DMPK: variants seen among roughly 807,000 people sequenced by gnomAD.
DMPK encodes the protein DM1 protein kinase.
In DMPK, 32 loss-of-function variants were observed where a neutral mutation model predicts 70.3. The ratio of observed to expected loss-of-function variants is 0.46; its 90% CI spans 0.34 to 0.61. The LOEUF (loss-of-function observed/expected upper bound fraction) is 0.61, where lower values mean the gene tolerates loss of function less well. DMPK is among the 20% of genes least tolerant of loss of function. The pLI is 0.01. For missense variants in DMPK, 899 were observed against 886.0 expected, an observed-to-expected ratio of 1.01 and a Z score of -0.19; for synonymous variants, 469 against 390.9, an observed-to-expected ratio of 1.20 and a Z score of -2.36.
At chr19:45,781,434 T>C (rs1600452802) in intron 1 of DMPK, among the ~76,000 whole-genome samples, 1 of 151,546 alleles carries the variant, frequency 6.6e-6, no homozygotes, top group Non-Finnish European at 1.5e-5. Flanking sequence ...AGCTGGAAGG[T>C]TGGAGGCCCT....
intron 1 of DMPK, among the ~76,000 whole-genome samples, chr19:45,781,197 T>C (rs920191543): frequency 1.4e-4 from 21 of 151,962 alleles, no homozygotes; most frequent in African/African-American, 5.1e-4. Context: ...TCACACACAG[T>C]TTGTTACACA....
chr19:45,770,623 T>C lies in DMPK; in HGVS notation c.1755A>G (p.Leu585=), dbSNP rs1568571320. 1.3e-6 allele frequency: 2 copies of C among 1,552,510 alleles called. No homozygotes were observed. Among genetic ancestry groups the C allele is most frequent in the African/African-American group, 1.4e-5 (1 of 73,224 alleles). Reference sequence around the variant, plus strand: ...ACAGGAGCAGGGAAAGCGCCTCCGATAGGCCAGGCCTAGGGACCTGCGGGG... The same window carrying C: ...ACAGGAGCAGGGAAAGCGCCTCCGACAGGCCAGGCCTAGGGACCTGCGGGG... ...LLPARVPRPG[L]SEALSLLLFA... is the part of the protein sequence containing the mutation. Residue 585 remains leucine, a synonymous_variant, in exon 15 of 15, where the codon CTA becomes CTG. Coordinates refer to ENST00000291270, the MANE Select transcript of DMPK (RefSeq NM_004409.5).
Position 45,777,594 on chromosome 19 carries a change from C to G in DMPK, c.883-4G>C. ...CCAGCGGCAGAGAGAGGTGCTCCTG[C>G]TCAGAGGGAGAGGAGGCGATAGCCT... On this transcript the variant is annotated splice_region_variant and splice_polypyrimidine_tract_variant and intron_variant, in intron 7 of 14. Coordinates refer to ENST00000291270, the MANE Select transcript of DMPK (RefSeq NM_004409.5). The surrounding 1 kb of genome is among the most constrained non-coding windows in gnomAD (Gnocchi z 6.7). The G allele has an allele frequency of 6.2e-7, 1 of 1,613,124 alleles. No individual in the cohort carries two copies. The highest frequency in any genetic ancestry group is 8.5e-7 in the Non-Finnish European group (1 of 1,179,584).
chr19:45,770,816 T>C, intron 14 of DMPK, 155 bp downstream of exon 14: 1 of 970,574 alleles, frequency 1.0e-6, no homozygotes, highest in Non-Finnish European at 1.5e-6. Flanking sequence ...GAACTCGTCA[T>C]TGGCTGCTTC....
rs1970175601 is a variant in DMPK, at chr19:45,782,369, CATGG to C, written c.-21_-18del. 1 of 1,547,854 alleles carries C rather than the reference CATGG, an allele frequency of 6.5e-7. No individual in the cohort carries two copies. The highest frequency in any genetic ancestry group is 8.7e-7 in the Non-Finnish European group (1 of 1,146,464). ...GGCTGACATGTTGGACAGGCAGCAC[CATGG>C]CCCCTCCCCGGGCCGGGGGCTCGGG... On this transcript the variant is annotated 5_prime_UTR_variant, in exon 1 of 15. It removes an upstream start codon present in the reference 5' UTR. Coordinates refer to ENST00000291270, the MANE Select transcript of DMPK (RefSeq NM_004409.5).
rs768148361 is a variant in DMPK at position 45,779,765 on chromosome 19, C to A, written c.252+13G>T. 2 of 1,547,358 alleles carry A rather than the reference C, an allele frequency of 1.3e-6. No individual in the cohort carries two copies. Among genetic ancestry groups the A allele is most frequent in the Non-Finnish European group, 1.7e-6 (2 of 1,146,734 alleles). On this transcript the variant is annotated intron_variant, in intron 2 of 14. Coordinates refer to ENST00000291270, the MANE Select transcript of DMPK (RefSeq NM_004409.5). ...CCACGAGTCAAGTCAGGCTCCCGCC[C>A]GGTTCGGCTTACCTCGCTGAACGCC...
rs145501208 is a variant in DMPK, at chr19:45,778,635, C to T, written c.439G>A (p.Val147Ile). 364 of 1,613,494 alleles carry T rather than the reference C, an allele frequency of 2.3e-4. No homozygotes were observed. The highest frequency in any genetic ancestry group is 3.0e-4 in the Non-Finnish European group (350 of 1,179,862). Reference sequence around the variant, plus strand: ...TCCCCGCCCACGTAATACTCCATGACCAGGTACTGAGAAGGGGTTCGTCAT... The same window carrying T: ...TCCCCGCCCACGTAATACTCCATGATCAGGTACTGAGAAGGGGTTCGTCAT... ...AFQDENYLYL[V>I]MEYYVGGDLL... The change falls in exon 5 of 15, where the codon GTC (valine) becomes ATC (isoleucine). Residue 147 changes from valine to isoleucine, a missense_variant. This residue lies in a region of DMPK where 195 missense variants were observed against 259.7 expected (regional missense o/e 0.75). Coordinates refer to ENST00000291270, the MANE Select transcript of DMPK (RefSeq NM_004409.5).
rs377648168 is a variant in DMPK at position 45,770,569 on chromosome 19, G to C, written c.1809C>G (p.Ala603=). The part of the protein sequence containing the change: ...LFAVVLSRAA[A]LGCIGLVAHA... ...GGGCCACCAACCCAATGCAGCCCAG[G>C]GCGGCGGCACGAGACAGAACAACGG... Residue 603 remains alanine, a synonymous_variant, in exon 15 of 15, where the codon GCC becomes GCG. Transcript: ENST00000291270. 5.2e-6 allele frequency: 8 copies of C among 1,551,530 alleles called. No individual in the cohort carries two copies. Among genetic ancestry groups the C allele is most frequent in the Non-Finnish European group, 6.1e-6 (7 of 1,147,408 alleles).
rs752178847 is a variant in DMPK at position 45,779,496 on chromosome 19, C to G, written c.279G>C (p.Thr93=). 15 of 1,613,916 alleles carry G rather than the reference C, an allele frequency of 9.3e-6. No individual in the cohort carries two copies. Among genetic ancestry groups the G allele is most frequent in the Middle Eastern group, 1.6e-4 (1 of 6,062 alleles). The change falls in exon 3 of 15, where the codon ACG becomes ACC. Residue 93 remains threonine, a synonymous_variant. Coordinates refer to ENST00000291270, the MANE Select transcript of DMPK (RefSeq NM_004409.5). ...TGATCTTCATGGCATACACCTGGCC[C>G]GTCTGCTTCATCTTCACTACCGCTA... is the stretch of plus-strand genomic sequence containing the variant. ...SEVAVVKMKQ[T]GQVYAMKIMN...
chr19:45,769,856 G>A lies in DMPK; in HGVS notation c.*632C>T. 1 of 250,352 alleles carries A rather than the reference G, an allele frequency of 4.0e-6. No homozygotes were observed. The highest frequency in any genetic ancestry group is 7.9e-6 in the Non-Finnish European group (1 of 125,938). The allele number at this position is 250,352 out of a possible 1,614,324, so 15.5% of individuals were successfully genotyped here. A position where few individuals can be genotyped will look rare whatever the true frequency, so the allele number is the denominator to read the frequency against. On this transcript the variant is annotated 3_prime_UTR_variant, in exon 15 of 15. Transcript: ENST00000291270. ...GGGGTTGTTGGGGGTCCTGTAGCCT[G>A]TCAGCGAGTCGGAGGACGAGGTCAA...
At position 45,779,423 on chromosome 19, in the gene DMPK, C is replaced by T. The variant is rs778302103; in HGVS notation, c.336+16G>A. ...CGCGGATCCTCAAAGCCCCCCACGT[C>T]CGCCCAGCCCCTCACCTCGCCCCTC... is the stretch of plus-strand genomic sequence containing the variant. On this transcript the variant is annotated intron_variant, in intron 3 of 14. Transcript: ENST00000291270. 42 of 1,613,840 alleles carry T rather than the reference C, an allele frequency of 2.6e-5. No homozygotes were observed. The highest frequency in any genetic ancestry group is 5.0e-5 in the Admixed American group (3 of 60,002).
In DMPK at chr19:45,778,055, C is replaced by T. The variant is rs577445591; in HGVS notation, c.675+72G>A. ...CTCTTTTCCCCTCCAAATCCAGTCCCGCTCCCACACTCTGTGCCTTCCATC... is the reference window on the plus strand; with the variant it reads ...CTCTTTTCCCCTCCAAATCCAGTCCTGCTCCCACACTCTGTGCCTTCCATC... On this transcript the variant is annotated intron_variant, in intron 6 of 14. Coordinates refer to ENST00000291270, the MANE Select transcript of DMPK (RefSeq NM_004409.5). 3.3e-5 allele frequency: 45 copies of T among 1,381,352 alleles called. 2 individuals carry two copies. The South Asian group carries it at 4.2e-4, about 13-fold the overall frequency. 85.6% of individuals were successfully genotyped at this position (1,381,352 alleles called of 1,614,324 possible).
intron 14 of DMPK, 52 bp from the exon 15 acceptor site, chr19:45,770,692 T>C (rs1411014541): frequency 1.3e-6 from 2 of 1,533,306 alleles, no homozygotes; most frequent in South Asian, 1.2e-5. Context: ...GATTGGCTCC[T>C]GGGACTCGCC....
chr19:45,770,149 C>T lies in DMPK; in HGVS notation c.*339G>A. Reference sequence around the variant, plus strand: ...CTGCCTTCCCAGGCCTGCAGTTTGCCCATCCACGTCAGGGCCTCAGCCTGG... The same window carrying T: ...CTGCCTTCCCAGGCCTGCAGTTTGCTCATCCACGTCAGGGCCTCAGCCTGG... On this transcript the variant is annotated 3_prime_UTR_variant, in exon 15 of 15. Transcript: ENST00000291270. 1 of 618,218 alleles carries T rather than the reference C, an allele frequency of 1.6e-6. No homozygotes were observed. The highest frequency in any genetic ancestry group is 1.8e-5 in the South Asian group (1 of 55,150). 38.3% of individuals were successfully genotyped at this position (618,218 alleles called of 1,614,324 possible).
chr19:45,770,224 A>AGCGGCAGCGGCAGCG lies in DMPK; in HGVS notation c.*263_*264insCGCTGCCGCTGCCGC, dbSNP rs1969282566. 1.3e-5 allele frequency: 2 copies of AGCGGCAGCGGCAGCG among 151,226 alleles called. No individual in the cohort carries two copies. The highest frequency in any genetic ancestry group is 1.6e-5 in the Non-Finnish European group (2 of 128,434). 9.4% of individuals were successfully genotyped at this position (151,226 alleles called of 1,614,324 possible). ...TCCCCCCAGCAGCAGCAGCAGCAGC[A>AGCGGCAGCGGCAGCG]GCAGCAGCAGCAGCAGCAGCAGCAG... On this transcript the variant is annotated 3_prime_UTR_variant, in exon 15 of 15. Coordinates refer to ENST00000291270, the MANE Select transcript of DMPK (RefSeq NM_004409.5).
In DMPK at chr19:45,771,851, G is replaced by C. The variant is rs1288149631; in HGVS notation, c.1422C>G (p.Ala474=). 5 of 1,578,488 alleles carry C rather than the reference G, an allele frequency of 3.2e-6. No homozygotes were observed. The highest frequency in any genetic ancestry group is 4.3e-6 in the Non-Finnish European group (5 of 1,162,548). The change falls in exon 11 of 15, where the codon GCC becomes GCG. Residue 474 remains alanine, a synonymous_variant. Coordinates refer to ENST00000291270, the MANE Select transcript of DMPK (RefSeq NM_004409.5). ...GCCGGGTGAGCACCTCCTCCTCCAG[G>C]GCTTCCTGGAGCTCCCGCAGCGTCA... is the stretch of plus-strand genomic sequence containing the variant. ...AEVTLRELQE[A]LEEEVLTRQS...
chr19:45,779,131 T>C, intron 4 of DMPK, 133 bp downstream of exon 4: 1 of 887,278 alleles, frequency 1.1e-6, no homozygotes, highest in Non-Finnish European at 1.8e-6. Context: ...CACACCCTCT[T>C]ACCGCACACA....
Position 45,782,434 on chromosome 19 carries a change from G to A in DMPK, c.-82C>T, listed in dbSNP as rs1970180143. 4 of 1,410,158 alleles carry A rather than the reference G, an allele frequency of 2.8e-6. No individual in the cohort carries two copies. Among genetic ancestry groups the A allele is most frequent in the Non-Finnish European group, 2.8e-6 (3 of 1,074,396 alleles). The allele number at this position is 1,410,158 out of a possible 1,614,324, so 87.4% of individuals were successfully genotyped here. A position where few individuals can be genotyped will look rare whatever the true frequency, so the allele number is the denominator to read the frequency against. Reference sequence around the variant, plus strand: ...CACAGGGCCTGGCAGCCCCTGTCCAGGCCCTGGAGCCCTGGCTGCATGTCT... The same window carrying A: ...CACAGGGCCTGGCAGCCCCTGTCCAAGCCCTGGAGCCCTGGCTGCATGTCT... On this transcript the variant is annotated 5_prime_UTR_variant, in exon 1 of 15. Coordinates refer to ENST00000291270, the MANE Select transcript of DMPK (RefSeq NM_004409.5).
chr19:45,774,834 C>T, intron 9 of DMPK, 115 bp downstream of exon 9: 1 of 774,134 alleles, frequency 1.3e-6, no homozygotes, highest in Non-Finnish European at 2.1e-6. Context: ...GTCTTTGGGC[C>T]CAAAACAGTA....
Sources: allele counts gnomAD v4.1 joint callset (sites outside exome capture counted in the v4.1 genomes callset), GRCh38; gene constraint gnomAD v4.1.1; regional missense constraint gnomAD v4.1.1; non-coding constraint Gnocchi (gnomAD v3.1); transcripts MANE v1.5; gene names NCBI Gene and HGNC (gene_info 2026-07-23, HGNC 2026-07-21).